The following CFAP263 variants were observed in gnomAD, a reference collection of about 807,000 sequenced individuals.
The protein encoded by CFAP263 is cilia- and flagella-associated protein 263.
chr16:58,254,306 AACTT>A, the CFAP263 span: 1 of 797,130 alleles, frequency 1.3e-6, no homozygotes, highest in African/African-American at 1.7e-5. Flanking sequence ...ATCTTCAAGG[AACTT>A]ACCACCTGCT....
chr16:58,252,224 G>A, the CFAP263 span, among the ~76,000 whole-genome samples: 1 of 152,058 alleles, frequency 6.6e-6, no homozygotes, highest in Non-Finnish European at 1.5e-5. Flanking sequence ...TTATAAATTA[G>A]CCAGGCATGG....
chr16:58,270,749 T>TA, the CFAP263 span, among the ~76,000 whole-genome samples: 1 of 152,224 alleles, frequency 6.6e-6, no homozygotes, highest in South Asian at 2.1e-4. Context: ...TTTTAGCTCT[T>TA]ATGTTTAGGT....
the CFAP263 span, among the ~76,000 whole-genome samples, chr16:58,263,119 AG>A: frequency 1.3e-5 from 2 of 152,224 alleles, no homozygotes; most frequent in Admixed American, 6.5e-5. Context: ...AGGCACACAA[AG>A]GGCCTGGCCC....
chr16:58,250,136 G>T, the CFAP263 span: 1 of 1,498,064 alleles, frequency 6.7e-7, no homozygotes, highest in Non-Finnish European at 9.1e-7. Context: ...CCGCGCCTGG[G>T]GGCCGCCCCT....
the CFAP263 span, chr16:58,259,800 G>A: frequency 8.4e-7 from 1 of 1,188,136 alleles, no homozygotes; most frequent in Non-Finnish European, 1.2e-6. Flanking sequence ...TCAAACCAAT[G>A]GGAAAAAGGA....
the CFAP263 span, among the ~76,000 whole-genome samples, chr16:58,255,891 G>A: frequency 3.6e-4 from 55 of 152,268 alleles, no homozygotes; most frequent in East Asian, 7.4e-3. Context: ...TACGGCACAC[G>A]TGCCCATGGT....
At chr16:58,258,851 G>A in the CFAP263 span, among the ~76,000 whole-genome samples, 1 of 152,076 alleles carries the variant, frequency 6.6e-6, no homozygotes, top group Non-Finnish European at 1.5e-5. Context: ...AGGTGTTTGT[G>A]CCTGTAATCC....
At chr16:58,254,209 A>G in the CFAP263 span, 1 of 1,583,982 alleles carries the variant, frequency 6.3e-7, no homozygotes, top group Admixed American at 1.7e-5. Flanking sequence ...CCCCACCTCT[A>G]CCCCACTGAG....
the CFAP263 span, chr16:58,254,166 C>A: frequency 1.2e-6 from 2 of 1,614,060 alleles, no homozygotes; most frequent in Non-Finnish European, 8.5e-7. Flanking sequence ...CGAGGTACAC[C>A]TTCCTGCCAG....
the CFAP263 span, chr16:58,267,721 C>G: frequency 1.6e-6 from 1 of 616,462 alleles, no homozygotes; most frequent in Non-Finnish European, 2.9e-6. Context: ...ATCAAAATAG[C>G]TCTGGGCCAT....
the CFAP263 span, chr16:58,280,745 T>C: frequency 8.1e-6 from 13 of 1,604,098 alleles, no homozygotes; most frequent in Non-Finnish European, 1.1e-5. Context: ...ATCATTGGGC[T>C]TCCTGGGTCC....
chr16:58,260,688 T>C, the CFAP263 span, among the ~76,000 whole-genome samples: 1 of 152,108 alleles, frequency 6.6e-6, no homozygotes, highest in Non-Finnish European at 1.5e-5. Context: ...AATATTTTTA[T>C]TATTAACTTG....
chr16:58,260,053 C>T, the CFAP263 span: 3 of 603,138 alleles, frequency 5.0e-6, no homozygotes, highest in South Asian at 7.6e-5. Flanking sequence ...TCTGTGAATA[C>T]ATTAACTTAC....
the CFAP263 span, among the ~76,000 whole-genome samples, chr16:58,274,123 T>C: frequency 6.6e-6 from 1 of 152,226 alleles, no homozygotes; most frequent in African/African-American, 2.4e-5. Context: ...CATTAATTGT[T>C]TTACATTCTG....
chr16:58,267,404 C>A, the CFAP263 span: 1 of 1,010,584 alleles, frequency 9.9e-7, no homozygotes. Context: ...TGTTCGTTAA[C>A]AAAGAGATGT....
At chr16:58,257,601 CTTCT>C in the CFAP263 span, among the ~76,000 whole-genome samples, 1 of 151,094 alleles carries the variant, frequency 6.6e-6, no homozygotes, top group Admixed American at 6.6e-5. Flanking sequence ...TTTATAATAT[CTTCT>C]TTATTTTTTT....
the CFAP263 span, among the ~76,000 whole-genome samples, chr16:58,263,620 T>C: frequency 2.0e-5 from 3 of 152,178 alleles, no homozygotes; most frequent in African/African-American, 7.2e-5. Context: ...AATATGAATG[T>C]CTTTAGACCA....
At chr16:58,269,985 TG>T in the CFAP263 span, among the ~76,000 whole-genome samples, 1 of 152,236 alleles carries the variant, frequency 6.6e-6, no homozygotes, top group Non-Finnish European at 1.5e-5. Flanking sequence ...TTCCAGTTTT[TG>T]TACATCTTTG....
chr16:58,280,832 C>T, the CFAP263 span: 1 of 1,365,170 alleles, frequency 7.3e-7, no homozygotes, highest in Non-Finnish European at 9.9e-7. Flanking sequence ...GTGCAATATA[C>T]TGTTTGTTCT....
Sources: gnomAD v4.1 joint callset for allele counts (sites outside exome capture counted in the v4.1 genomes callset) on GRCh38, gnomAD v4.1.1 for gene constraint, MANE v1.5 for transcripts, NCBI Gene and HGNC (gene_info 2026-07-23, HGNC 2026-07-21) for gene names.